CIT: variants seen among roughly 807,000 people sequenced by gnomAD.
CIT encodes citron rho-interacting serine/threonine kinase.
Under a neutral mutation model 272.7 loss-of-function variants are expected in CIT, and 79 were observed. The observed-to-expected ratio is 0.29, with a 90% CI of 0.24 to 0.35. The LOEUF is 0.35. Among genes scored for constraint, CIT ranks in the 10% least tolerant of loss-of-function variants. The pLI is 1.00. For missense variants in CIT, 1,909 were observed against 2,618.3 expected (o/e 0.73, Z 5.91); for synonymous variants, 948 against 995.6 (o/e 0.95, Z 0.90).
At chr12:119,706,811 G>A (rs551621074) in intron 40 of CIT, among the ~76,000 whole-genome samples, 1 of 152,192 alleles carries the variant, frequency 6.6e-6, no homozygotes, top group African/African-American at 2.4e-5. Flanking sequence ...CCAGTAATGG[G>A]ATTGCTGGGT....
chr12:119,869,638 T>A lies in CIT; in HGVS notation c.97-437A>T, dbSNP rs187437212. ...TTTAATTCATTTGAACAACCTAGAG[T>A]AATAAGAACTGAGTGACCATCGTAA... On this transcript the variant is annotated intron_variant, in intron 2 of 47. Coordinates refer to ENST00000392521, the MANE Select transcript of CIT (RefSeq NM_001206999.2). Among the ~76,000 whole-genome samples, 91 of 152,278 alleles carry A rather than the reference T, an allele frequency of 6.0e-4. 1 individual carries two copies. The South Asian group carries it at 0.01, about 17-fold the overall frequency.
chr12:119,871,025 A>G (rs1160912190), intron 2 of CIT, among the ~76,000 whole-genome samples: 5 of 151,814 alleles, frequency 3.3e-5, no homozygotes, highest in African/African-American at 1.2e-4. Context: ...AGGCTGGGGC[A>G]GGAGAATTGC....
At chr12:119,698,406 A>G (rs1593380618) in intron 44 of CIT, among the ~76,000 whole-genome samples, 1 of 152,164 alleles carries the variant, frequency 6.6e-6, no homozygotes, top group Non-Finnish European at 1.5e-5. Context: ...CCTGGCCTAC[A>G]TGGTGAAACC....
chr12:119,871,788 TA>T (rs1464348864), intron 2 of CIT, among the ~76,000 whole-genome samples: 3 of 152,076 alleles, frequency 2.0e-5, no homozygotes, highest in Non-Finnish European at 4.4e-5. Flanking sequence ...GCCCAAGAAG[TA>T]AAGGCTGCAG....
Position 119,699,025 on chromosome 12 carries a change from C to T in CIT, c.5624-971G>A, listed in dbSNP as rs1285586150. On this transcript the variant is annotated intron_variant, in intron 44 of 47. Coordinates refer to ENST00000392521, the MANE Select transcript of CIT (RefSeq NM_001206999.2). ...ATCCCAGCACTTTGGGAGGCCGAGG[C>T]GGGTGGATCACCTGAGATCAGGAGT... Among the ~76,000 whole-genome samples, 17 of 152,122 alleles carry T rather than the reference C, an allele frequency of 1.1e-4. No individual in the cohort carries two copies. In the East Asian group the frequency reaches 1.2e-3, roughly 10 times the overall value.
chr12:119,704,204 G>A (rs934352282), intron 41 of CIT, among the ~76,000 whole-genome samples, 159 bp downstream of exon 41: 11 of 152,190 alleles, frequency 7.2e-5, no homozygotes, highest in Non-Finnish European at 1.5e-4. Context: ...ACAAAGGAAG[G>A]ATCTCGCTGA....
At chr12:119,833,990 G>T in intron 6 of CIT, 96 bp downstream of exon 6, 1 of 1,283,716 alleles carries the variant, frequency 7.8e-7, no homozygotes, top group South Asian at 1.5e-5. Flanking sequence ...GCGTTATCTT[G>T]ATCTTGAAAT....
chr12:119,795,437 C>T (rs997573714), intron 10 of CIT, among the ~76,000 whole-genome samples: 3 of 152,110 alleles, frequency 2.0e-5, no homozygotes, highest in Non-Finnish European at 4.4e-5. Flanking sequence ...CCACCCTCTG[C>T]CAGATGTGAG....
chr12:119,798,994 G>A (rs1965971040), intron 10 of CIT, among the ~76,000 whole-genome samples: 1 of 152,136 alleles, frequency 6.6e-6, no homozygotes, highest in South Asian at 2.1e-4. Context: ...TTCTGGGACT[G>A]GACCTTCTAA....
chr12:119,796,939 A>G (rs1342723814), intron 10 of CIT, among the ~76,000 whole-genome samples: 1 of 152,246 alleles, frequency 6.6e-6, no homozygotes, highest in African/African-American at 2.4e-5. Context: ...GGTTAGGTAC[A>G]ATCAACGGCT....
rs145904291 is a variant in CIT, at chr12:119,747,183, G to A, written c.2905-4719C>T. ...CACACCTGTAATTCCAGCACTTTGG[G>A]AGGCTGAAGCAGGTGGATCACAAGG... is the stretch of plus-strand genomic sequence containing the variant. On this transcript the variant is annotated intron_variant, in intron 23 of 47. Transcript: ENST00000392521. 4.1e-3 allele frequency among the ~76,000 whole-genome samples: 628 copies of A among 152,288 alleles called. 3 individuals carry two copies. Among genetic ancestry groups the A allele is most frequent in the African/African-American group, 0.015 (605 of 41,564 alleles).
chr12:119,734,748 C>T (rs1002192394), intron 25 of CIT, among the ~76,000 whole-genome samples: 2 of 152,066 alleles, frequency 1.3e-5, no homozygotes, highest in African/African-American at 4.8e-5. Flanking sequence ...GCGTTCCTCC[C>T]GCCTCAGCAT....
Position 119,712,569 on chromosome 12 carries a change from G to C in CIT, c.4684+22C>G. 3 of 1,608,734 alleles carry C rather than the reference G, an allele frequency of 1.9e-6. No individual in the cohort carries two copies. The South Asian group carries it at 3.3e-5, about 18-fold the overall frequency. Reference sequence around the variant, plus strand: ...CAAGCCCGGCCCACCTCCAGGGCGGGGCTCCTCCGGCTCCTCCTCACCTGC... The same window carrying C: ...CAAGCCCGGCCCACCTCCAGGGCGGCGCTCCTCCGGCTCCTCCTCACCTGC... On this transcript the variant is annotated intron_variant, in intron 36 of 47. Transcript: ENST00000392521. The surrounding 1 kb of genome is among the most constrained non-coding windows in gnomAD (Gnocchi z 5.2).
Position 119,782,063 on chromosome 12 carries a change from CA to C in CIT, c.1665+454del, listed in dbSNP as rs200067007. 205 of 140,414 alleles carry C rather than the reference CA, an allele frequency of 1.5e-3. 1 individual carries two copies. Among genetic ancestry groups the C allele is most frequent in the African/African-American group, 4.8e-3 (181 of 37,846 alleles). The allele number at this position is 140,414 out of a possible 1,614,324, so 8.7% of individuals were successfully genotyped here. A position where few individuals can be genotyped will look rare whatever the true frequency, so the allele number is the denominator to read the frequency against. ...CAAATTACCAAGCATGGCTGTGTTC[CA>C]AAAAAAAAACACTTTATTTATGGAG... On this transcript the variant is annotated intron_variant, in intron 13 of 47. Transcript: ENST00000392521.
intron 19 of CIT, among the ~76,000 whole-genome samples, chr12:119,763,855 C>T (rs939441675): frequency 2.6e-5 from 4 of 152,124 alleles, no homozygotes; most frequent in East Asian, 3.9e-4. Context: ...ATTGATAGAG[C>T]GGCAGCCATT....
intron 4 of CIT, among the ~76,000 whole-genome samples, chr12:119,855,885 A>C (rs951677504): frequency 6.6e-6 from 1 of 152,142 alleles, no homozygotes; most frequent in Non-Finnish European, 1.5e-5. Flanking sequence ...TCAGGGCTAC[A>C]CGTAATGCCT....
Position 119,784,455 on chromosome 12 carries a change from G to A in CIT, c.1402-404C>T. 3.3e-6 allele frequency: 4 copies of A among 1,201,948 alleles called. No homozygotes were observed. The highest frequency in any genetic ancestry group is 4.2e-6 in the Non-Finnish European group (4 of 952,144). 74.5% of individuals were successfully genotyped at this position (1,201,948 alleles called of 1,614,324 possible). On this transcript the variant is annotated intron_variant, in intron 11 of 47. Transcript: ENST00000392521. The surrounding 1 kb of genome is among the most constrained non-coding windows in gnomAD (Gnocchi z 4.7). The stretch of plus-strand genomic sequence containing the variant: ...GGACAAATCCAGGACAGGGCAAGGA[G>A]ATATTTATTCGTCTGCACTCTTAGG...
chr12:119,831,041 T>C (rs1467554689), intron 7 of CIT, among the ~76,000 whole-genome samples: 2 of 152,110 alleles, frequency 1.3e-5, no homozygotes, highest in African/African-American at 4.8e-5. Context: ...AATTTTTTGA[T>C]TTTTTGTAGA....
chr12:119,723,055 TA>T (rs1957887146), intron 28 of CIT, among the ~76,000 whole-genome samples: 1 of 130,086 alleles, frequency 7.7e-6, no homozygotes, highest in Admixed American at 8.4e-5. Flanking sequence ...ACCCTGTCTC[TA>T]AAAAAATAAA....
Sources: gnomAD v4.1 joint callset for allele counts (sites outside exome capture counted in the v4.1 genomes callset) on GRCh38, gnomAD v4.1.1 for gene constraint, Gnocchi (gnomAD v3.1) non-coding constraint, MANE v1.5 for transcripts, NCBI Gene and HGNC (gene_info 2026-07-23, HGNC 2026-07-21) for gene names.